CFAP47: variants seen among roughly 807,000 people sequenced by gnomAD.
CFAP47 encodes the protein cilia and flagella associated protein 47, also known as cilia- and flagella-associated protein 47.
In CFAP47, 29 loss-of-function variants were observed where a neutral mutation model predicts 148.1. The ratio of observed to expected loss-of-function variants is 0.20; its 90% CI spans 0.15 to 0.27. The LOEUF is 0.27. Ranked by LOEUF, CFAP47 falls within the 10% of genes least tolerant of loss-of-function variation. The pLI, the probability that CFAP47 is intolerant of heterozygous loss-of-function variation, is 1.00. For missense variants in CFAP47, 1,872 were observed against 1,697.5 expected (o/e 1.10, Z -1.81); for synonymous variants, 664 against 577.3 (o/e 1.15, Z -2.15).
intron 49 of CFAP47, among the ~76,000 whole-genome samples, chrX:36,265,854 A>T: frequency 9.0e-6 from 1 of 111,714 alleles, no homozygotes; most frequent in Middle Eastern, 4.7e-3. Context: ...ATCATTTGAA[A>T]TTGCTGTCAT....
chrX:35,938,830 C>T (rs1184233437), intron 2 of CFAP47, among the ~76,000 whole-genome samples: 2 of 111,777 alleles, frequency 1.8e-5, no homozygotes, highest in Non-Finnish European at 1.9e-5. Context: ...GTATTCCCCT[C>T]TTTTAATGTT....
chrX:35,985,080 T>C (rs1318158603), intron 15 of CFAP47, among the ~76,000 whole-genome samples: 2 of 111,690 alleles, frequency 1.8e-5, no homozygotes, highest in Non-Finnish European at 1.9e-5. Context: ...TCTAAGTCTC[T>C]TTGTAGGTCT....
intron 37 of CFAP47, 139 bp downstream of exon 37, chrX:36,149,362 C>T (rs184753147): frequency 0.011 from 2,822 of 257,847 alleles, 90 homozygotes; most frequent in African/African-American, 0.074. Flanking sequence ...GACAAATATT[C>T]GTATGTTTCT....
chrX:35,991,133 G>A (rs993402734), intron 16 of CFAP47, among the ~76,000 whole-genome samples: 6 of 111,236 alleles, frequency 5.4e-5, no homozygotes, highest in Admixed American at 2.9e-4. Context: ...TTAATCACCC[G>A]AAATTTTGGT....
intron 39 of CFAP47, among the ~76,000 whole-genome samples, chrX:36,165,254 A>G (rs775522217): frequency 9.0e-6 from 1 of 111,709 alleles, no homozygotes; most frequent in Non-Finnish European, 1.9e-5. Context: ...GCCAATTTCC[A>G]TTTAGTTTGC....
intron 8 of CFAP47, among the ~76,000 whole-genome samples, chrX:35,959,330 T>C (rs1312663841): frequency 8.9e-6 from 1 of 112,240 alleles, no homozygotes; most frequent in African/African-American, 3.2e-5. Flanking sequence ...CTGTGGATTG[T>C]CTTCCCACTT....
intron 1 of CFAP47, among the ~76,000 whole-genome samples, chrX:35,924,001 A>T (rs1935640998): frequency 9.8e-6 from 1 of 101,778 alleles, no homozygotes; most frequent in African/African-American, 3.9e-5. Flanking sequence ...ATATATGTGT[A>T]TATGTGTAAA....
intron 54 of CFAP47, among the ~76,000 whole-genome samples, chrX:36,304,738 C>G (rs1310959836): frequency 9.0e-6 from 1 of 111,601 alleles, no homozygotes. Flanking sequence ...CTCTAGCCCT[C>G]TCTGCTTCTT....
chrX:36,212,535 AT>A (rs782101550), intron 45 of CFAP47, among the ~76,000 whole-genome samples: 29 of 110,184 alleles, frequency 2.6e-4, no homozygotes, highest in African/African-American at 6.6e-4. Flanking sequence ...GAAATTTGGA[AT>A]TTTTTTTTAT....
At chrX:36,143,013 A>C (rs1007644789) in intron 35 of CFAP47, among the ~76,000 whole-genome samples, 6 of 111,844 alleles carry the variant, frequency 5.4e-5, no homozygotes, top group Non-Finnish European at 1.1e-4. Context: ...GTGACAATTA[A>C]ACTCTGCATT....
intron 45 of CFAP47, among the ~76,000 whole-genome samples, chrX:36,207,375 C>T (rs898758258): frequency 9.1e-6 from 1 of 110,377 alleles, no homozygotes; most frequent in Non-Finnish European, 1.9e-5. Flanking sequence ...CCAGGGATAG[C>T]CCAGTGTTCC....
intron 39 of CFAP47, among the ~76,000 whole-genome samples, chrX:36,161,326 G>C (rs1939427742): frequency 9.0e-6 from 1 of 111,193 alleles, no homozygotes; most frequent in African/African-American, 3.3e-5. Context: ...TTGAAATTCA[G>C]TGTTCTTTCA....
rs1406978083 is a variant in CFAP47, at chrX:36,362,995, GTTA to G, written c.9023+1500_9023+1502del. Among the ~76,000 whole-genome samples, 4 of 111,444 alleles carry G rather than the reference GTTA, an allele frequency of 3.6e-5. No individual in the cohort carries two copies. The Admixed American group carries it at 3.8e-4, about 11-fold the overall frequency. ...ACAGCAACACTAGAAAGGGAACAAT[GTTA>G]TTATTTGTGAAAATGGGCAGAGCCA... On this transcript the variant is annotated intron_variant, in intron 61 of 63. Transcript: ENST00000378653.
chrX:36,342,117 G>T (rs1556015850), intron 57 of CFAP47, among the ~76,000 whole-genome samples: 6 of 111,521 alleles, frequency 5.4e-5, no homozygotes, highest in Non-Finnish European at 5.7e-5. Flanking sequence ...ACAAACAACT[G>T]ATGTAATTAC....
chrX:36,236,186 AG>A (rs1254020912), intron 47 of CFAP47, 109 bp downstream of exon 47: 37 of 329,347 alleles, frequency 1.1e-4, no homozygotes, highest in African/African-American at 9.7e-4. Context: ...TTAGTAGAAA[AG>A]TTAATATTTT....
At chrX:36,068,696 G>A (rs772266017) in intron 27 of CFAP47, among the ~76,000 whole-genome samples, 54 of 107,613 alleles carry the variant, frequency 5.0e-4, no homozygotes, top group Non-Finnish European at 9.4e-4. Context: ...AGGGGCTCAC[G>A]CCTGTAATCC....
intron 15 of CFAP47, chrX:35,985,989 A>C (rs1936709205): frequency 3.2e-6 from 1 of 312,391 alleles, no homozygotes; most frequent in Non-Finnish European, 6.3e-6. Flanking sequence ...AATTAAACTG[A>C]GCTACAGAGC....
chrX:36,302,169 T>C (rs949035734), intron 53 of CFAP47, among the ~76,000 whole-genome samples: 3 of 110,436 alleles, frequency 2.7e-5, no homozygotes, highest in African/African-American at 9.9e-5. Flanking sequence ...CTGTCATGAT[T>C]TTTAGTGTAT....
At chrX:36,320,126 A>T (rs1941466923) in intron 57 of CFAP47, among the ~76,000 whole-genome samples, 1 of 111,696 alleles carries the variant, frequency 9.0e-6, no homozygotes, top group South Asian at 3.8e-4. Flanking sequence ...ACGCCCAGCC[A>T]ATATCTATTT....
Sources: allele counts gnomAD v4.1 joint callset (sites outside exome capture counted in the v4.1 genomes callset), GRCh38; gene constraint gnomAD v4.1.1; transcripts MANE v1.5; gene names NCBI Gene and HGNC (gene_info 2026-07-23, HGNC 2026-07-21).